PTPN4: variants seen among roughly 807,000 people sequenced by gnomAD.
PTPN4 encodes the protein tyrosine-protein phosphatase non-receptor type 4.
PTPN4 carries 49 observed loss-of-function variants against 135.5 expected under a neutral mutation model. That is an observed-to-expected ratio of 0.36 (90% confidence interval 0.29 to 0.46). PTPN4 has a LOEUF of 0.46. Ranked by LOEUF, PTPN4 falls within the 20% of genes least tolerant of loss-of-function variation. The pLI is 1.00. For synonymous variants in PTPN4, 333 were observed against 369.9 expected (o/e 0.90, Z 1.14); for missense variants, 860 against 1,101.0 (o/e 0.78, Z 3.10).
intron 1 of PTPN4, among the ~76,000 whole-genome samples, chr2:119,779,190 CAAT>C (rs1334582445): frequency 1.3e-5 from 2 of 152,146 alleles, no homozygotes; most frequent in African/African-American, 4.8e-5. Context: ...AGCGTTATAA[CAAT>C]AAGCTAAGTT....
In PTPN4 at chr2:119,980,236, C is replaced by T. The variant is rs1679672049; in HGVS notation, c.*3166C>T. On this transcript the variant is annotated 3_prime_UTR_variant, in exon 27 of 27. Coordinates refer to ENST00000263708, the MANE Select transcript of PTPN4 (RefSeq NM_002830.4). ...TGCTGGAAGGTTTCAAATATGTGTA[C>T]ACACACATAGAGCTACTTTTGTGTG... The T allele has an allele frequency of 6.6e-6, 1 of 152,016 alleles. No homozygotes were observed. The highest frequency in any genetic ancestry group is 1.5e-5 in the Non-Finnish European group (1 of 67,918). The allele number at this position is 152,016 out of a possible 1,614,324, so 9.4% of individuals were successfully genotyped here. A position where few individuals can be genotyped will look rare whatever the true frequency, so the allele number is the denominator to read the frequency against.
chr2:119,851,812 G>T (rs1243373765), intron 2 of PTPN4, among the ~76,000 whole-genome samples: 1 of 152,172 alleles, frequency 6.6e-6, no homozygotes, highest in Non-Finnish European at 1.5e-5. Flanking sequence ...TCCGGCTGCT[G>T]AATTATCTTT....
chr2:119,792,482 A>G (rs1478670474), intron 1 of PTPN4, among the ~76,000 whole-genome samples: 1 of 152,226 alleles, frequency 6.6e-6, no homozygotes, highest in Non-Finnish European at 1.5e-5. Context: ...CTATAGAACA[A>G]TGCATAGCTG....
At chr2:119,863,715 G>A (rs868494451) in intron 3 of PTPN4, among the ~76,000 whole-genome samples, 1 of 151,988 alleles carries the variant, frequency 6.6e-6, no homozygotes, top group South Asian at 2.1e-4. Flanking sequence ...GGAAAAATAC[G>A]AGGATGACAC....
chr2:119,872,599 T>G (rs1349236099), intron 3 of PTPN4, among the ~76,000 whole-genome samples: 1 of 152,144 alleles, frequency 6.6e-6, no homozygotes, highest in African/African-American at 2.4e-5. Context: ...AAAGTCACTT[T>G]CCCTCTCAAG....
In PTPN4 at chr2:119,965,618, AG is replaced by A. The variant is rs767711900; in HGVS notation, c.2533del (p.Glu845LysfsTer37). On this transcript the variant is annotated frameshift_variant, in exon 25 of 27. Coordinates refer to ENST00000263708, the MANE Select transcript of PTPN4 (RefSeq NM_002830.4). LOFTEE classifies it high-confidence loss of function. ...VCHVRNKRAG[K>X]EEPVVVHCSA... ...CATGTACGAAACAAGAGGGCTGGCA[AG>A]GAAGAACCCGTTGTTGTCCATTGCA... The A allele has an allele frequency of 1.9e-6, 3 of 1,614,038 alleles. No homozygotes were observed. Among genetic ancestry groups the A allele is most frequent in the Non-Finnish European group, 2.5e-6 (3 of 1,179,982 alleles).
chr2:119,955,132 GGTTT>G (rs1679261750), intron 19 of PTPN4, 21 bp from the exon 20 acceptor site: 1 of 1,563,496 alleles, frequency 6.4e-7, no homozygotes, highest in Non-Finnish European at 8.6e-7. Context: ...CACGTTTTGG[GGTTT>G]GTTTGATTTT....
chr2:119,944,673 C>A (rs1469907559), intron 15 of PTPN4, among the ~76,000 whole-genome samples: 1 of 152,066 alleles, frequency 6.6e-6, no homozygotes, highest in Non-Finnish European at 1.5e-5. Context: ...TAGATTAGGC[C>A]AATCTCTTAA....
chr2:119,826,590 C>T (rs966614089), intron 2 of PTPN4, among the ~76,000 whole-genome samples: 1 of 152,324 alleles, frequency 6.6e-6, no homozygotes, highest in South Asian at 2.1e-4. Context: ...TGCTGCTAAA[C>T]TTCCTTACAA....
chr2:119,779,521 G>A (rs112092079), intron 1 of PTPN4, among the ~76,000 whole-genome samples: 1 of 151,774 alleles, frequency 6.6e-6, no homozygotes, highest in African/African-American at 2.4e-5. Flanking sequence ...GGAGGCTGGG[G>A]TAGGAGAATG....
At chr2:119,946,061 C>T (rs918502381) in intron 16 of PTPN4, among the ~76,000 whole-genome samples, 2 of 152,034 alleles carry the variant, frequency 1.3e-5, no homozygotes, top group African/African-American at 4.8e-5. Flanking sequence ...CCAGATTCTA[C>T]GGATATAGCA....
At chr2:119,773,010 T>C (rs1016682474) in intron 1 of PTPN4, among the ~76,000 whole-genome samples, 1 of 152,198 alleles carries the variant, frequency 6.6e-6, no homozygotes, top group Non-Finnish European at 1.5e-5. Context: ...GATATGAGAT[T>C]GTAGAACTGA....
At chr2:119,872,562 C>T (rs966154893) in intron 3 of PTPN4, among the ~76,000 whole-genome samples, 2 of 152,146 alleles carry the variant, frequency 1.3e-5, no homozygotes, top group African/African-American at 2.4e-5. Context: ...ACCCCTCTTA[C>T]CTTCACATTT....
At chr2:119,776,724 A>G (rs1690845487) in intron 1 of PTPN4, among the ~76,000 whole-genome samples, 1 of 152,074 alleles carries the variant, frequency 6.6e-6, no homozygotes, top group African/African-American at 2.4e-5. Context: ...TAGTAAATAT[A>G]TTTTCTCTTC....
intron 1 of PTPN4, chr2:119,791,376 C>T (rs1296529606): frequency 6.6e-6 from 1 of 152,212 alleles, no homozygotes; most frequent in Non-Finnish European, 1.5e-5. Flanking sequence ...TTGTGATCTA[C>T]CCACCTTGGC....
intron 22 of PTPN4, among the ~76,000 whole-genome samples, chr2:119,960,268 T>C (rs1366559763): frequency 6.6e-6 from 1 of 152,220 alleles, no homozygotes; most frequent in Non-Finnish European, 1.5e-5. Context: ...ATGACTCAAC[T>C]TTCCCAAATA....
chr2:119,786,822 T>C (rs1691056059), intron 1 of PTPN4, among the ~76,000 whole-genome samples: 1 of 152,164 alleles, frequency 6.6e-6, no homozygotes, highest in Admixed American at 6.5e-5. Flanking sequence ...GTCATTTTTG[T>C]TAAAATACAA....
At chr2:119,949,168 T>G (rs2105050200) in intron 18 of PTPN4, among the ~76,000 whole-genome samples, 1 of 152,326 alleles carries the variant, frequency 6.6e-6, no homozygotes, top group East Asian at 1.9e-4. Context: ...TTGTTGGTAA[T>G]TTTTCCCTTC....
At chr2:119,854,858 G>A (rs1677649301) in intron 2 of PTPN4, among the ~76,000 whole-genome samples, 2 of 152,144 alleles carry the variant, frequency 1.3e-5, no homozygotes, top group South Asian at 4.1e-4. Context: ...TTAAGTACCT[G>A]TATGTTTTCT....
Sources: gnomAD v4.1 joint callset for allele counts (sites outside exome capture counted in the v4.1 genomes callset) on GRCh38, gnomAD v4.1.1 for gene constraint, MANE v1.5 for transcripts, NCBI Gene and HGNC (gene_info 2026-07-23, HGNC 2026-07-21) for gene names.